Variants in PAH observed in about 807,000 individuals in gnomAD.
PAH encodes phenylalanine-4-hydroxylase.
PAH carries 64 observed loss-of-function variants against 62.0 expected under a neutral mutation model. The ratio of observed to expected loss-of-function variants is 1.03; its 90% CI spans 0.84 to 1.27. The LOEUF (loss-of-function observed/expected upper bound fraction) is 1.27. Among genes scored for constraint, PAH ranks in the 50% most tolerant of loss-of-function variants. The pLI is 0.00. For missense variants in PAH, 579 were observed against 542.8 expected, an observed-to-expected ratio of 1.07 and a Z score of -0.66; for synonymous variants, 195 against 196.2, an observed-to-expected ratio of 0.99 and a Z score of 0.05.
At chr12:102,908,946 A>T (rs551677726) in intron 2 of PAH, among the ~76,000 whole-genome samples, 1 of 151,028 alleles carries the variant, frequency 6.6e-6, no homozygotes, top group Admixed American at 6.6e-5. Context: ...GGTTCAAGCA[A>T]TTCTCCTGCC....
chr12:102,870,103 C>T (rs1876232216), intron 4 of PAH, among the ~76,000 whole-genome samples: 1 of 152,084 alleles, frequency 6.6e-6, no homozygotes, highest in Admixed American at 6.5e-5. Flanking sequence ...CAAGTCATGA[C>T]ATCAACTGAA....
At chr12:102,958,199 C>A (rs1203048121) in exon 1 of PAH, 4 of 1,403,426 alleles carry the variant, frequency 2.9e-6, no homozygotes, top group Non-Finnish European at 1.9e-6. Context: ...CCGCACCTCG[C>A]GTCCCGGATC....
intron 3 of PAH, among the ~76,000 whole-genome samples, chr12:102,884,364 G>A (rs1876942825): frequency 6.6e-6 from 1 of 152,206 alleles, no homozygotes; most frequent in South Asian, 2.1e-4. Flanking sequence ...CCTCAGGAGA[G>A]ACCACAGAGG....
intron 2 of PAH, among the ~76,000 whole-genome samples, chr12:102,897,769 G>T (rs1877575733): frequency 6.6e-6 from 1 of 152,160 alleles, no homozygotes; most frequent in Non-Finnish European, 1.5e-5. Flanking sequence ...TCTGCTGAGT[G>T]CTAGGTGCAA....
At chr12:102,904,771 T>A (rs745816044) in intron 2 of PAH, 1 of 511,672 alleles carries the variant, frequency 2.0e-6, no homozygotes, top group Non-Finnish European at 3.9e-6. Flanking sequence ...TGCTTCTCCA[T>A]TTCATTCACA....
intron 6 of PAH, 37 bp downstream of exon 6, chr12:102,855,099 A>G (rs376057081): frequency 7.0e-6 from 11 of 1,560,908 alleles, no homozygotes; most frequent in South Asian, 3.3e-5. Flanking sequence ...TCCTCCCCCA[A>G]CTTTCTGCAG....
intron 3 of PAH, chr12:102,885,925 C>A (rs1022003290): frequency 6.6e-6 from 1 of 152,606 alleles, no homozygotes; most frequent in Non-Finnish European, 1.5e-5. Flanking sequence ...CTCCCAGGCT[C>A]CCGGATGTCT....
chr12:102,933,043 C>A (rs755553886), intron 1 of PAH, among the ~76,000 whole-genome samples: 4 of 152,180 alleles, frequency 2.6e-5, no homozygotes, highest in African/African-American at 4.8e-5. Flanking sequence ...TATAGTCACT[C>A]TGTTGTGCTG....
At chr12:102,931,033 C>T (rs752464704) in intron 1 of PAH, among the ~76,000 whole-genome samples, 2 of 151,960 alleles carry the variant, frequency 1.3e-5, no homozygotes, top group Non-Finnish European at 2.9e-5. Flanking sequence ...AATCAGTGTA[C>T]ACCAAAAATA....
intron 6 of PAH, 104 bp downstream of exon 6, chr12:102,855,032 A>G (rs759210259): frequency 1.1e-6 from 1 of 926,644 alleles, no homozygotes; most frequent in Non-Finnish European, 1.8e-6. Context: ...CTACAAGCAC[A>G]TGCTTTCATA....
chr12:102,842,976 G>A (rs1415226348), intron 11 of PAH, among the ~76,000 whole-genome samples: 1 of 152,128 alleles, frequency 6.6e-6, no homozygotes. Context: ...TGCAGGAACT[G>A]TGCACTCAGA....
chr12:102,954,800 C>T (rs1429216605), upstream of PAH, among the ~76,000 whole-genome samples: 2 of 152,196 alleles, frequency 1.3e-5, no homozygotes, highest in Non-Finnish European at 2.9e-5. Context: ...GGAAAACTCT[C>T]TTGGTAGAAT....
At chr12:102,854,879 A>T in intron 6 of PAH, 1 of 545,346 alleles carries the variant, frequency 1.8e-6, no homozygotes, top group South Asian at 2.0e-5. Context: ...GAAAGAAAAT[A>T]CTTTTCAGGG....
At chr12:102,952,389 T>A (rs1879792340), upstream of PAH, among the ~76,000 whole-genome samples, 1 of 152,108 alleles carries the variant, frequency 6.6e-6, no homozygotes, top group African/African-American at 2.4e-5. Flanking sequence ...ATGAAAGACC[T>A]TTACTTTATT....
chr12:102,895,042 A>T, intron 2 of PAH, 124 bp from the exon 3 acceptor site: 1 of 772,306 alleles, frequency 1.3e-6, no homozygotes, highest in Non-Finnish European at 2.1e-6. Context: ...AATTATTTTT[A>T]TAAGAGTATA....
chr12:102,907,892 A>T (rs1182179810), intron 2 of PAH, among the ~76,000 whole-genome samples: 1 of 152,164 alleles, frequency 6.6e-6, no homozygotes, highest in African/African-American at 2.4e-5. Context: ...TGCTGGGACT[A>T]CAGGTGTGAG....
At position 102,957,988 on chromosome 12, in the gene PAH, C is replaced by T. The variant is rs545934413; in HGVS notation, c.-96+207G>A. The T allele has an allele frequency of 5.9e-6, 2 of 341,048 alleles. No individual in the cohort carries two copies. Among genetic ancestry groups the T allele is most frequent in the East Asian group, 9.0e-5 (2 of 22,344 alleles). 21.1% of individuals were successfully genotyped at this position (341,048 alleles called of 1,614,324 possible). ...ACGCGAGGCTCCCGAAGCCAACCCGCGAAGGGAGGAGGGGAGGGAGGAGGA... is the reference window on the plus strand; with the variant it reads ...ACGCGAGGCTCCCGAAGCCAACCCGTGAAGGGAGGAGGGGAGGGAGGAGGA... On this transcript the variant is annotated intron_variant, in intron 1 of 4. Coordinates refer to the PAH transcript ENST00000551337. This position sits in a 1 kb window ranked among gnomAD's most constrained non-coding sequence, Gnocchi z 4.1.
At chr12:102,865,771 T>C (rs1875927956) in intron 5 of PAH, among the ~76,000 whole-genome samples, 1 of 152,212 alleles carries the variant, frequency 6.6e-6, no homozygotes, top group Non-Finnish European at 1.5e-5. Flanking sequence ...GGTTTTTCCA[T>C]GTTGAAAGTA....
intron 8 of PAH, chr12:102,847,275 A>C: frequency 2.6e-6 from 1 of 390,206 alleles, no homozygotes; most frequent in Non-Finnish European, 4.9e-6. Flanking sequence ...CAGCTCAGTG[A>C]TTATTCATCA....
Sources: gnomAD v4.1 joint callset for allele counts (sites outside exome capture counted in the v4.1 genomes callset) on GRCh38, gnomAD v4.1.1 for gene constraint, Gnocchi (gnomAD v3.1) non-coding constraint, MANE v1.5 for transcripts, NCBI Gene and HGNC (gene_info 2026-07-23, HGNC 2026-07-21) for gene names.